KCNH7: variants seen among roughly 807,000 people sequenced by gnomAD.
The protein encoded by KCNH7 is voltage-gated inwardly rectifying potassium channel KCNH7.
In KCNH7, 49 loss-of-function variants were observed where a neutral mutation model predicts 120.8. That is an observed-to-expected ratio of 0.41 (90% CI 0.32 to 0.51). The LOEUF (loss-of-function observed/expected upper bound fraction) is 0.51. Ranked by LOEUF, KCNH7 falls within the 20% of genes least tolerant of loss-of-function variation. The pLI, the probability that KCNH7 is intolerant of heterozygous loss-of-function variation, is 0.38. For missense variants in KCNH7, 1,097 were observed against 1,446.6 expected (o/e 0.76, Z 3.92); for synonymous variants, 547 against 516.1 (o/e 1.06, Z -0.81).
chr2:162,731,984 T>C (rs555065673), intron 2 of KCNH7, among the ~76,000 whole-genome samples: 1 of 152,282 alleles, frequency 6.6e-6, no homozygotes, highest in African/African-American at 2.4e-5. Flanking sequence ...ATTAAGGCAC[T>C]TGAGTTTTCA....
At chr2:162,509,740 G>C (rs1229886137) in intron 5 of KCNH7, among the ~76,000 whole-genome samples, 1 of 151,566 alleles carries the variant, frequency 6.6e-6, no homozygotes, top group Admixed American at 6.6e-5. Context: ...TGAGAAACAA[G>C]TTGTATTAGA....
At chr2:162,807,790 C>T (rs1008990093) in intron 2 of KCNH7, among the ~76,000 whole-genome samples, 6 of 152,088 alleles carry the variant, frequency 3.9e-5, no homozygotes, top group Non-Finnish European at 7.3e-5. Context: ...TCAAGCGATT[C>T]TCCTGCCTCA....
intron 2 of KCNH7, among the ~76,000 whole-genome samples, chr2:162,562,803 A>G (rs915460731): frequency 9.2e-5 from 14 of 152,198 alleles, no homozygotes; most frequent in Admixed American, 9.2e-4. Context: ...CTGGGCTTTT[A>G]GAAAGGTGTG....
At chr2:162,688,944 A>T (rs1241682542) in intron 2 of KCNH7, among the ~76,000 whole-genome samples, 1 of 151,688 alleles carries the variant, frequency 6.6e-6, no homozygotes, top group African/African-American at 2.4e-5. Context: ...TTGAGCCTCA[A>T]TTTTCTTATC....
At chr2:162,424,063 T>C (rs1687785091) in intron 8 of KCNH7, among the ~76,000 whole-genome samples, 1 of 152,184 alleles carries the variant, frequency 6.6e-6, no homozygotes, top group African/African-American at 2.4e-5. Context: ...ATTAGGTTTG[T>C]TAAGGGATAG....
At chr2:162,531,032 C>G (rs1691905275) in intron 3 of KCNH7, among the ~76,000 whole-genome samples, 1 of 151,824 alleles carries the variant, frequency 6.6e-6, no homozygotes, top group African/African-American at 2.4e-5. Context: ...AATAATGGGC[C>G]TTTGTAATGC....
chr2:162,604,285 C>T (rs1266400049), intron 2 of KCNH7, among the ~76,000 whole-genome samples: 3 of 151,994 alleles, frequency 2.0e-5, no homozygotes, highest in Non-Finnish European at 2.9e-5. Flanking sequence ...AGAAATTCTA[C>T]TCTTTGTGCT....
intron 2 of KCNH7, among the ~76,000 whole-genome samples, chr2:162,783,008 G>C (rs577488409): frequency 7.2e-5 from 11 of 152,270 alleles, no homozygotes; most frequent in African/African-American, 2.6e-4. Context: ...GAGACACCTG[G>C]TGGGTCCTAG....
intron 2 of KCNH7, among the ~76,000 whole-genome samples, chr2:162,570,315 G>C (rs988471338): frequency 1.3e-5 from 2 of 149,920 alleles, no homozygotes; most frequent in African/African-American, 4.9e-5. Flanking sequence ...GATCTTTGTT[G>C]GTTTAAAGTC....
At chr2:162,813,290 T>C (rs1235626620) in intron 2 of KCNH7, among the ~76,000 whole-genome samples, 1 of 152,048 alleles carries the variant, frequency 6.6e-6, no homozygotes, top group African/African-American at 2.4e-5. Flanking sequence ...CAATCATGGA[T>C]AAAAAGGAAT....
At chr2:162,436,435 T>A (rs1224586751) in intron 7 of KCNH7, among the ~76,000 whole-genome samples, 1 of 152,164 alleles carries the variant, frequency 6.6e-6, no homozygotes, top group Non-Finnish European at 1.5e-5. Context: ...TATGTGTAAC[T>A]AATTGGGTGA....
At position 162,435,583 on chromosome 2, in the gene KCNH7, A is replaced by C. The variant is rs746168217; in HGVS notation, c.1569T>G (p.Ile523Met). 8 of 1,592,706 alleles carry C rather than the reference A, an allele frequency of 5.0e-6. No homozygotes were observed. Among genetic ancestry groups the C allele is most frequent in the Non-Finnish European group, 6.8e-6 (8 of 1,168,308 alleles). Reference protein sequence around the residue: ...GSGSDETTTLIGLLKTARLLR... With the variant: ...GSGSDETTTLMGLLKTARLLR... ...GGAGTCGGGCAGTCTTCAAAAGACCAATTAATGTTGTTGTCTGTAGAAATA... is the reference window on the plus strand; with the variant it reads ...GGAGTCGGGCAGTCTTCAAAAGACCCATTAATGTTGTTGTCTGTAGAAATA... Residue 523 changes from isoleucine to methionine, a missense_variant, in exon 8 of 16, where the codon ATT (isoleucine) becomes ATG (methionine). Physicochemically the swap from Ile to Met is conservative, Grantham distance 10. Around this residue, in one of 8 missense-constraint regions of KCNH7, gnomAD observed 109 missense variants for 196.8 expected, o/e 0.55. Coordinates refer to ENST00000332142, the MANE Select transcript of KCNH7 (RefSeq NM_033272.4).
chr2:162,833,357 C>T (rs1685545009), intron 2 of KCNH7, among the ~76,000 whole-genome samples: 1 of 151,920 alleles, frequency 6.6e-6, no homozygotes, highest in African/African-American at 2.4e-5. Context: ...GAAGTCCTTG[C>T]TATTTTTTAA....
intron 15 of KCNH7, among the ~76,000 whole-genome samples, chr2:162,372,790 T>G (rs1302555772): frequency 6.6e-6 from 1 of 152,190 alleles, no homozygotes; most frequent in Non-Finnish European, 1.5e-5. Context: ...TAATTAAGAC[T>G]AATTCCCAAA....
At chr2:162,812,433 A>G (rs1264957503) in intron 2 of KCNH7, among the ~76,000 whole-genome samples, 3 of 152,090 alleles carry the variant, frequency 2.0e-5, no homozygotes, top group African/African-American at 4.8e-5. Context: ...AAAGAAAGCA[A>G]AAGTAGAGAC....
chr2:162,561,008 A>G (rs936573566), intron 2 of KCNH7, among the ~76,000 whole-genome samples: 1 of 152,084 alleles, frequency 6.6e-6, no homozygotes, highest in Non-Finnish European at 1.5e-5. Context: ...ATGGAACTAT[A>G]GTAGTTAGAC....
chr2:162,475,402 C>T (rs1052471232), intron 6 of KCNH7, among the ~76,000 whole-genome samples: 6 of 152,142 alleles, frequency 3.9e-5, no homozygotes, highest in South Asian at 2.1e-4. Flanking sequence ...TGCCAAATAG[C>T]GTGGCATGAG....
At chr2:162,728,604 C>T (rs1482664761) in intron 2 of KCNH7, among the ~76,000 whole-genome samples, 1 of 152,190 alleles carries the variant, frequency 6.6e-6, no homozygotes, top group East Asian at 1.9e-4. Context: ...CACGGAGAAA[C>T]CCTGTCTCTA....
intron 5 of KCNH7, among the ~76,000 whole-genome samples, chr2:162,511,294 A>T (rs1035617874): frequency 2.0e-5 from 3 of 151,738 alleles, no homozygotes; most frequent in Non-Finnish European, 4.4e-5. Context: ...TTATCACTAC[A>T]TTTAAAAATC....
Sources: gnomAD v4.1 joint callset for allele counts (sites outside exome capture counted in the v4.1 genomes callset) on GRCh38, gnomAD v4.1.1 for gene constraint, gnomAD v4.1.1 regional missense constraint, MANE v1.5 for transcripts, NCBI Gene and HGNC (gene_info 2026-07-23, HGNC 2026-07-21) for gene names.